The following MINDY4 variants were observed in gnomAD, a reference collection of about 807,000 sequenced individuals.
MINDY4 encodes the protein probable ubiquitin carboxyl-terminal hydrolase MINDY-4.
A neutral mutation model predicts 87.0 loss-of-function variants in MINDY4; 68 were observed. That is an observed-to-expected ratio of 0.78 (90% confidence interval 0.64 to 0.96). The LOEUF (loss-of-function observed/expected upper bound fraction) is 0.96. Ranked by LOEUF, MINDY4 falls within the 40% of genes least tolerant of loss-of-function variation. MINDY4 has a pLI of 0.00. For synonymous variants in MINDY4, 379 were observed against 363.2 expected, an observed-to-expected ratio of 1.04 and a Z score of -0.50; for missense variants, 919 against 928.2, an observed-to-expected ratio of 0.99 and a Z score of 0.13.
In MINDY4 at chr7:30,882,325, C is replaced by T; in HGVS notation, c.2116C>T (p.Leu706=). The change falls in exon 16 of 18, where the codon CTG becomes TTG. Residue 706 remains leucine, a synonymous_variant. Coordinates refer to ENST00000265299, the MANE Select transcript of MINDY4 (RefSeq NM_032222.3). Reference sequence around the variant, plus strand: ...CTTTGACTTGTACTACTACGATGGCCTGGCCAACCAGCAGGAGCAGATCCG... The same window carrying T: ...CTTTGACTTGTACTACTACGATGGCTTGGCCAACCAGCAGGAGCAGATCCG... The part of the protein sequence containing the change: ...RLFDLYYYDG[L]ANQQEQIRLT... 1 of 1,609,380 alleles carries T rather than the reference C, an allele frequency of 6.2e-7. No individual in the cohort carries two copies. Among genetic ancestry groups the T allele is most frequent in the Non-Finnish European group, 8.5e-7 (1 of 1,176,300 alleles).
chr7:30,817,519 A>G (rs916515451), intron 5 of MINDY4, among the ~76,000 whole-genome samples: 2 of 152,070 alleles, frequency 1.3e-5, no homozygotes, highest in African/African-American at 4.8e-5. Context: ...TGGGGGTTAT[A>G]CAGAGTCACT....
chr7:30,872,159 C>T, intron 13 of MINDY4, 84 bp from the exon 14 acceptor site: 1 of 1,295,822 alleles, frequency 7.7e-7, no homozygotes, highest in Non-Finnish European at 1.1e-6. Flanking sequence ...AGCCTGGAAC[C>T]TAAGGGGAGC....
At position 30,828,874 on chromosome 7, in the gene MINDY4, A is replaced by G; in HGVS notation, c.1132+137A>G. On this transcript the variant is annotated intron_variant, in intron 6 of 17. Transcript: ENST00000265299. The stretch of plus-strand genomic sequence containing the variant: ...CGAGTGGGGCTGGTCAAGTGAGTAG[A>G]GTAGACTACTCTCTCTCTGATTGAT... 4 of 732,530 alleles carry G rather than the reference A, an allele frequency of 5.5e-6. No homozygotes were observed. In the South Asian group the frequency reaches 6.4e-5, roughly 12 times the overall value. 45.4% of individuals were successfully genotyped at this position (732,530 alleles called of 1,614,324 possible).
intron 15 of MINDY4, among the ~76,000 whole-genome samples, chr7:30,881,716 A>G (rs1318936154): frequency 4.6e-5 from 7 of 152,044 alleles, no homozygotes; most frequent in Non-Finnish European, 1.0e-4. Context: ...CCAACAAGGG[A>G]TTTGGGAGAT....
At chr7:30,853,360 G>C (rs1300215305) in intron 11 of MINDY4, 34 bp from the exon 12 acceptor site, 3 of 1,583,524 alleles carry the variant, frequency 1.9e-6, no homozygotes, top group Non-Finnish European at 2.6e-6. Context: ...CGTGGGGCTT[G>C]GGCCACTCAT....
intron 12 of MINDY4, among the ~76,000 whole-genome samples, chr7:30,855,517 C>T (rs1789543436): frequency 6.6e-6 from 1 of 152,224 alleles, no homozygotes; most frequent in South Asian, 2.1e-4. Context: ...AAGGAAGTGA[C>T]TGGTGAGGCT....
intron 4 of MINDY4, among the ~76,000 whole-genome samples, chr7:30,788,284 A>G (rs1159796143): frequency 2.0e-5 from 3 of 152,226 alleles, no homozygotes; most frequent in Non-Finnish European, 4.4e-5. Context: ...GTAGTTTCTT[A>G]ATGTGAAATC....
intron 6 of MINDY4, among the ~76,000 whole-genome samples, chr7:30,830,105 CA>C (rs1788653080): frequency 6.6e-6 from 1 of 152,052 alleles, no homozygotes; most frequent in Non-Finnish European, 1.5e-5. Flanking sequence ...AGTTCAGAAA[CA>C]AAAATCAAAT....
chr7:30,876,873 G>T (rs1023313828), intron 15 of MINDY4, among the ~76,000 whole-genome samples: 2 of 152,072 alleles, frequency 1.3e-5, no homozygotes, highest in African/African-American at 4.8e-5. Flanking sequence ...ATAGCGCCAG[G>T]CGATTCCACC....
chr7:30,831,478 C>T (rs1788699261), intron 6 of MINDY4, among the ~76,000 whole-genome samples: 1 of 152,116 alleles, frequency 6.6e-6, no homozygotes, highest in African/African-American at 2.4e-5. Context: ...ATTCCTGTAA[C>T]AGTGGAGAGA....
intron 17 of MINDY4, among the ~76,000 whole-genome samples, chr7:30,886,237 C>T (rs1790628707): frequency 6.6e-6 from 1 of 152,142 alleles, no homozygotes; most frequent in Admixed American, 6.5e-5. Context: ...GGTAGAATTC[C>T]CCCACATCAG....
intron 5 of MINDY4, among the ~76,000 whole-genome samples, chr7:30,810,293 A>T (rs1787948892): frequency 6.6e-6 from 1 of 151,868 alleles, no homozygotes; most frequent in South Asian, 2.1e-4. Flanking sequence ...TTTATGCAAG[A>T]AATGTTGTAT....
At chr7:30,782,344 GTGT>G in intron 3 of MINDY4, 132 bp downstream of exon 3, 1 of 72,634 alleles carries the variant, frequency 1.4e-5, no homozygotes, top group Non-Finnish European at 2.6e-5. Flanking sequence ...GTGTATGTTT[GTGT>G]GTGTGTGTGT....
At chr7:30,865,376 C>T (rs929889886) in intron 13 of MINDY4, among the ~76,000 whole-genome samples, 18 of 152,252 alleles carry the variant, frequency 1.2e-4, no homozygotes, top group African/African-American at 4.1e-4. Flanking sequence ...TGAAGATTTT[C>T]AGCAATGTCT....
intron 2 of MINDY4, among the ~76,000 whole-genome samples, chr7:30,779,380 A>G (rs1290411145): frequency 6.6e-6 from 1 of 152,204 alleles, no homozygotes; most frequent in African/African-American, 2.4e-5. Flanking sequence ...TTTCTACTTA[A>G]ATTTTTAATT....
Position 30,892,229 on chromosome 7 carries a change from C to T in MINDY4, c.*224C>T. 5.3e-6 allele frequency: 3 copies of T among 561,170 alleles called. No individual in the cohort carries two copies. The highest frequency in any genetic ancestry group is 3.2e-6 in the Non-Finnish European group (1 of 314,780). The allele number at this position is 561,170 out of a possible 1,614,324, so 34.8% of individuals were successfully genotyped here. On this transcript the variant is annotated 3_prime_UTR_variant, in exon 18 of 18. Transcript: ENST00000265299. ...TCCCCTCCCAGCTGAGCTGTGACTG[C>T]TGAGTACTGGAAGGAGGTTGCCAGG...
chr7:30,812,929 A>G (rs1308997216), intron 5 of MINDY4, among the ~76,000 whole-genome samples: 1 of 152,098 alleles, frequency 6.6e-6, no homozygotes, highest in African/African-American at 2.4e-5. Context: ...ATGGTTTTCC[A>G]TTTGTTCTGG....
chr7:30,879,816 G>C (rs1263546967), intron 15 of MINDY4, among the ~76,000 whole-genome samples: 1 of 152,098 alleles, frequency 6.6e-6, no homozygotes, highest in African/African-American at 2.4e-5. Context: ...TTTAAGCATC[G>C]CATTTCATCG....
At position 30,863,510 on chromosome 7, in the gene MINDY4, C is replaced by T. The variant is rs1170794996; in HGVS notation, c.1745+4186C>T. On this transcript the variant is annotated intron_variant, in intron 13 of 17. Coordinates refer to ENST00000265299, the MANE Select transcript of MINDY4 (RefSeq NM_032222.3). ...TGATGTGTGATGGAGAGGGCATAGT[C>T]GTTCCTCCCTCCTGGTGAGGGTTCT... Among the ~76,000 whole-genome samples, 7 of 152,260 alleles carry T rather than the reference C, an allele frequency of 4.6e-5. No homozygotes were observed. The South Asian group carries it at 8.3e-4, about 18-fold the overall frequency.
Sources: gnomAD v4.1 joint callset for allele counts (sites outside exome capture counted in the v4.1 genomes callset) on GRCh38, gnomAD v4.1.1 for gene constraint, MANE v1.5 for transcripts, NCBI Gene and HGNC (gene_info 2026-07-23, HGNC 2026-07-21) for gene names.